ERP27: variants seen among roughly 807,000 people sequenced by gnomAD.
The protein encoded by ERP27 is endoplasmic reticulum resident protein 27.
In ERP27, 23 loss-of-function variants were observed where a neutral mutation model predicts 27.7. The ratio of observed to expected loss-of-function variants is 0.83; its 90% CI spans 0.60 to 1.18. The LOEUF (loss-of-function observed/expected upper bound fraction) is 1.18, where lower values mean the gene tolerates loss of function less well. ERP27 is among the 50% of genes most tolerant of loss of function. ERP27 has a pLI of 0.00. For synonymous variants in ERP27, 159 were observed against 118.3 expected, an observed-to-expected ratio of 1.34 and a Z score of -2.23; for missense variants, 363 against 327.9, an observed-to-expected ratio of 1.11 and a Z score of -0.83.
At chr12:14,932,138 C>A (rs551099759) in intron 3 of ERP27, among the ~76,000 whole-genome samples, 1 of 152,196 alleles carries the variant, frequency 6.6e-6, no homozygotes, top group Admixed American at 6.5e-5. Flanking sequence ...TGTATTATAG[C>A]CCTTTGAATA....
At chr12:14,929,128 G>C (rs1332068926) in intron 3 of ERP27, 3 of 1,459,812 alleles carry the variant, frequency 2.1e-6, no homozygotes, top group Non-Finnish European at 2.7e-6. Context: ...CGCTGTGCAT[G>C]GATCAAGAAT....
intron 2 of ERP27, among the ~76,000 whole-genome samples, chr12:14,937,526 A>G (rs993579743): frequency 1.3e-5 from 2 of 152,192 alleles, no homozygotes; most frequent in Admixed American, 6.5e-5. Context: ...GCACTGACTA[A>G]TGTCCAGGAT....
intron 3 of ERP27, among the ~76,000 whole-genome samples, chr12:14,931,602 C>T (rs867751697): frequency 2.0e-5 from 3 of 152,022 alleles, no homozygotes; most frequent in East Asian, 1.9e-4. Flanking sequence ...AGACTAGGTC[C>T]GTCACTAGCG....
chr12:14,914,422 C>T lies in ERP27; in HGVS notation c.*313G>A, dbSNP rs1210649985. On this transcript the variant is annotated 3_prime_UTR_variant, in exon 7 of 7. Coordinates refer to ENST00000266397, the MANE Select transcript of ERP27 (RefSeq NM_152321.4). Reference sequence around the variant, plus strand: ...AGGCATCACAGTGAGTCTCTTAAAGCCTTGATCTAGGTGTGTTACAGATGG... The same window carrying T: ...AGGCATCACAGTGAGTCTCTTAAAGTCTTGATCTAGGTGTGTTACAGATGG... 2.2e-5 allele frequency: 7 copies of T among 321,872 alleles called. No homozygotes were observed. The East Asian group carries it at 2.6e-4, about 12-fold the overall frequency. The allele number at this position is 321,872 out of a possible 1,614,324, so 19.9% of individuals were successfully genotyped here.
intron 3 of ERP27, among the ~76,000 whole-genome samples, chr12:14,933,704 CA>C (rs1863731778): frequency 6.6e-6 from 1 of 152,166 alleles, no homozygotes; most frequent in African/African-American, 2.4e-5. Flanking sequence ...ACTCAATGAC[CA>C]ATGAAAGCAT....
intron 3 of ERP27, chr12:14,929,076 T>G: frequency 6.5e-7 from 1 of 1,526,850 alleles, no homozygotes; most frequent in Non-Finnish European, 8.8e-7. Context: ...TGACTATTTT[T>G]CTAGGAATTC....
In ERP27 at chr12:14,935,006, G is replaced by GA. The variant is rs1215114919; in HGVS notation, c.196-14dup. On this transcript the variant is annotated splice_polypyrimidine_tract_variant and intron_variant, in intron 2 of 6. Coordinates refer to ENST00000266397, the MANE Select transcript of ERP27 (RefSeq NM_152321.4). ...GTATTTCTAAATCCTAAAAACAAGA[G>GA]AAAAAATAATACCACAGTGGTTATT... 2 of 1,611,346 alleles carry GA rather than the reference G, an allele frequency of 1.2e-6. No homozygotes were observed. The highest frequency in any genetic ancestry group is 2.2e-5 in the East Asian group (1 of 44,816).
chr12:14,925,679 A>G (rs1412134973), intron 3 of ERP27, among the ~76,000 whole-genome samples: 1 of 152,116 alleles, frequency 6.6e-6, no homozygotes, highest in Non-Finnish European at 1.5e-5. Context: ...CAGCTTTTGA[A>G]TACAGTATTC....
chr12:14,935,568 C>T (rs1209553311), intron 2 of ERP27, among the ~76,000 whole-genome samples: 3 of 152,124 alleles, frequency 2.0e-5, no homozygotes, highest in Non-Finnish European at 4.4e-5. Context: ...TTTATAGGTG[C>T]CTTGTGACCT....
At chr12:14,931,906 CA>C (rs140945193) in intron 3 of ERP27, among the ~76,000 whole-genome samples, 1,695 of 152,228 alleles carry the variant, frequency 0.011, 29 homozygotes, top group African/African-American at 0.038. Flanking sequence ...GGTTCAATGG[CA>C]ACACGAAAGG....
intron 1 of ERP27, 67 bp from the exon 2 acceptor site, chr12:14,938,119 A>C: frequency 1.5e-6 from 2 of 1,299,288 alleles, no homozygotes; most frequent in Non-Finnish European, 2.2e-6. Flanking sequence ...TAATGAGGGC[A>C]TCTATACCTT....
rs181252009 is a variant in ERP27 at position 14,929,861 on chromosome 12, G to T, written c.333+4995C>A. Among the ~76,000 whole-genome samples the T allele has an allele frequency of 3.4e-3, 513 of 152,090 alleles. 3 individuals are homozygous for T. The highest frequency in any genetic ancestry group is 0.011 in the African/African-American group (463 of 41,474). On this transcript the variant is annotated intron_variant, in intron 3 of 6. Transcript: ENST00000266397. Reference sequence around the variant, plus strand: ...GTTATAGTATTAAATGTCTTTGGTGGCACTGAGAAATCATTTGTTAAACAA... The same window carrying T: ...GTTATAGTATTAAATGTCTTTGGTGTCACTGAGAAATCATTTGTTAAACAA...
At chr12:14,933,005 T>C (rs1337314891) in intron 3 of ERP27, among the ~76,000 whole-genome samples, 1 of 152,222 alleles carries the variant, frequency 6.6e-6, no homozygotes, top group Non-Finnish European at 1.5e-5. Context: ...AGGGATAAAA[T>C]ATTCTAAATG....
intron 4 of ERP27, among the ~76,000 whole-genome samples, chr12:14,918,501 C>G (rs1469287000): frequency 1.3e-5 from 2 of 152,204 alleles, no homozygotes; most frequent in Admixed American, 6.5e-5. Flanking sequence ...GGCACTGGTT[C>G]CCTTCATTTC....
intron 3 of ERP27, among the ~76,000 whole-genome samples, chr12:14,925,124 T>G (rs1329525362): frequency 3.3e-5 from 5 of 151,372 alleles, no homozygotes; most frequent in Non-Finnish European, 5.9e-5. Flanking sequence ...ATTCCTTTAC[T>G]TTCTTAATAA....
chr12:14,926,744 T>A (rs1762966997), intron 3 of ERP27, among the ~76,000 whole-genome samples: 2 of 152,346 alleles, frequency 1.3e-5, no homozygotes, highest in South Asian at 4.1e-4. Flanking sequence ...AAATTCAATT[T>A]TCTGGCTCTA....
At chr12:14,920,678 T>TA (rs879894998) in intron 4 of ERP27, among the ~76,000 whole-genome samples, 3 of 152,188 alleles carry the variant, frequency 2.0e-5, no homozygotes, top group Admixed American at 1.3e-4. Flanking sequence ...GGCCTTGAGT[T>TA]AGTCACCTTA....
intron 2 of ERP27, among the ~76,000 whole-genome samples, chr12:14,935,352 T>G (rs1863759107): frequency 6.6e-6 from 1 of 152,212 alleles, no homozygotes; most frequent in South Asian, 2.1e-4. Flanking sequence ...CTGGGAACAA[T>G]TTGTTTAACG....
At chr12:14,921,789 C>T (rs939889995) in intron 3 of ERP27, among the ~76,000 whole-genome samples, 1 of 147,656 alleles carries the variant, frequency 6.8e-6, no homozygotes, top group Admixed American at 6.8e-5. Context: ...ATAATTCATC[C>T]TTTTTTTTTT....
Sources: allele counts gnomAD v4.1 joint callset (sites outside exome capture counted in the v4.1 genomes callset), GRCh38; gene constraint gnomAD v4.1.1; transcripts MANE v1.5; gene names NCBI Gene and HGNC (gene_info 2026-07-23, HGNC 2026-07-21).